GPHN: variants seen among roughly 807,000 people sequenced by gnomAD.
The protein encoded by GPHN is gephyrin.
Under a neutral mutation model 95.5 loss-of-function variants are expected in GPHN, and 17 were observed. The ratio of observed to expected loss-of-function variants is 0.18; its 90% CI spans 0.12 to 0.27. GPHN has a LOEUF of 0.27. GPHN is among the 10% of genes least tolerant of loss of function. The pLI is 1.00. For synonymous variants in GPHN, 320 were observed against 322.5 expected (o/e 0.99, Z 0.08); for missense variants, 660 against 978.1 (o/e 0.67, Z 4.34).
At chr14:66,583,299 A>G (rs922399297) in intron 1 of GPHN, among the ~76,000 whole-genome samples, 6 of 152,112 alleles carry the variant, frequency 3.9e-5, no homozygotes, top group Non-Finnish European at 8.8e-5. Context: ...TTTGTCAGAT[A>G]AGCAGGTTGC....
chr14:67,062,621 A>C (rs2075870686), intron 11 of GPHN, among the ~76,000 whole-genome samples: 1 of 152,120 alleles, frequency 6.6e-6, no homozygotes, highest in African/African-American at 2.4e-5. Flanking sequence ...AGAGTATAGT[A>C]CATGAAACAC....
At chr14:66,694,884 G>A (rs1410453039) in intron 2 of GPHN, among the ~76,000 whole-genome samples, 1 of 152,288 alleles carries the variant, frequency 6.6e-6, no homozygotes, top group African/African-American at 2.4e-5. Context: ...TAGGCCGAGC[G>A]CAGTGGCTCA....
intron 1 of GPHN, among the ~76,000 whole-genome samples, chr14:66,514,504 T>C (rs1400319088): frequency 2.0e-5 from 3 of 152,070 alleles, no homozygotes; most frequent in Non-Finnish European, 4.4e-5. Flanking sequence ...AAGGCTCTCA[T>C]GGCAGTATAT....
intron 8 of GPHN, among the ~76,000 whole-genome samples, chr14:66,954,980 T>A (rs1180964636): frequency 2.0e-5 from 3 of 152,226 alleles, no homozygotes; most frequent in Non-Finnish European, 4.4e-5. Context: ...GGTCTTGATG[T>A]ATAATTGTTT....
the GPHN span, chr14:67,695,755 A>G: frequency 6.4e-7 from 1 of 1,555,280 alleles, no homozygotes; most frequent in Non-Finnish European, 8.8e-7. Context: ...TTGCTCGCCG[A>G]CTATGGCTTC....
At chr14:67,046,287 A>G (rs2075012283) in intron 10 of GPHN, among the ~76,000 whole-genome samples, 1 of 152,126 alleles carries the variant, frequency 6.6e-6, no homozygotes, top group Non-Finnish European at 1.5e-5. Flanking sequence ...GCACTTTCTT[A>G]CTGAAAACAG....
rs1443985752 is a variant in GPHN at position 66,931,457 on chromosome 14, C to G, written c.828+7165C>G. 2.6e-5 allele frequency among the ~76,000 whole-genome samples: 4 copies of G among 152,024 alleles called. No homozygotes were observed. In the East Asian group the frequency reaches 5.8e-4, roughly 22 times the overall value. ...AACCTTTCTACCCTGATCTCAGTCT[C>G]TCTCTCTCTCTCTACCTTTTCTTTA... is the stretch of plus-strand genomic sequence containing the variant. On this transcript the variant is annotated intron_variant, in intron 8 of 22. Coordinates refer to ENST00000478722, the MANE Select transcript of GPHN (RefSeq NM_020806.5).
At position 66,915,838 on chromosome 14, in the gene GPHN, A is replaced by G. The variant is rs2065870053; in HGVS notation, c.390-165A>G. On this transcript the variant is annotated intron_variant, in intron 5 of 22. Transcript: ENST00000478722. ...TAACCATAATGTAAAAACTTCAACC[A>G]GAATGCCTAATTTGTATAGCAAGCA... is the stretch of plus-strand genomic sequence containing the variant. 1.3e-5 allele frequency among the ~76,000 whole-genome samples: 2 copies of G among 152,240 alleles called. 1 individual carries two copies. Among genetic ancestry groups the G allele is most frequent in the South Asian group, 4.1e-4 (2 of 4,836 alleles).
At chr14:67,319,882 A>G in the GPHN span, among the ~76,000 whole-genome samples, 1 of 152,212 alleles carries the variant, frequency 6.6e-6, no homozygotes, top group Non-Finnish European at 1.5e-5. Flanking sequence ...GAATATTAAT[A>G]TCTGCATTCT....
At chr14:67,176,537 CTT>C (rs1336695944) in intron 21 of GPHN, among the ~76,000 whole-genome samples, 1 of 152,024 alleles carries the variant, frequency 6.6e-6, no homozygotes, top group South Asian at 2.1e-4. Flanking sequence ...CTAAAATTCT[CTT>C]TTTTTGTTGT....
intron 19 of GPHN, among the ~76,000 whole-genome samples, chr14:67,160,483 A>G (rs1222024067): frequency 6.6e-6 from 1 of 152,190 alleles, no homozygotes; most frequent in African/African-American, 2.4e-5. Context: ...GGGCTGATGG[A>G]GGTCCTGAAG....
the GPHN span, among the ~76,000 whole-genome samples, chr14:67,636,289 AC>A: frequency 2.6e-5 from 4 of 152,148 alleles, no homozygotes; most frequent in African/African-American, 9.7e-5. Context: ...AAACAAAAAA[AC>A]AAAACCTTAC....
the GPHN span, among the ~76,000 whole-genome samples, chr14:67,730,507 C>T: frequency 3.3e-5 from 5 of 152,286 alleles, no homozygotes; most frequent in Middle Eastern, 3.4e-3. Context: ...CAGAGTATTT[C>T]GGGTTTTAGA....
chr14:67,647,236 TTC>T, the GPHN span: 2 of 455,578 alleles, frequency 4.4e-6, no homozygotes, highest in Non-Finnish European at 7.8e-6. Context: ...TGCCTAGATC[TTC>T]TGTCTCATGA....
At chr14:67,318,427 CTT>C in the GPHN span, among the ~76,000 whole-genome samples, 308 of 152,134 alleles carry the variant, frequency 2.0e-3, no homozygotes, top group African/African-American at 7.0e-3. Flanking sequence ...ATTAATATCT[CTT>C]TTATTTTTTG....
At chr14:66,953,347 A>G (rs1464597463) in intron 8 of GPHN, among the ~76,000 whole-genome samples, 4 of 151,958 alleles carry the variant, frequency 2.6e-5, no homozygotes, top group East Asian at 1.9e-4. Flanking sequence ...CAGTTAATCT[A>G]ATTTTTCTGT....
the GPHN span, among the ~76,000 whole-genome samples, chr14:67,597,910 G>C: frequency 6.6e-6 from 1 of 152,068 alleles, no homozygotes; most frequent in Non-Finnish European, 1.5e-5. Context: ...AATAAACAAG[G>C]GAACAACCTG....
At chr14:66,547,266 TA>T (rs1341536676) in intron 1 of GPHN, among the ~76,000 whole-genome samples, 21 of 152,262 alleles carry the variant, frequency 1.4e-4, no homozygotes, top group African/African-American at 4.8e-4. Context: ...CACCATATGT[TA>T]TTTTCTGATT....
the GPHN span, among the ~76,000 whole-genome samples, chr14:67,408,392 T>C: frequency 2.0e-5 from 3 of 151,936 alleles, no homozygotes; most frequent in Admixed American, 2.0e-4. Flanking sequence ...ATACTTGCTA[T>C]GGGTTGAATT....
Sources: gnomAD v4.1 joint callset for allele counts (sites outside exome capture counted in the v4.1 genomes callset) on GRCh38, gnomAD v4.1.1 for gene constraint, MANE v1.5 for transcripts, NCBI Gene and HGNC (gene_info 2026-07-23, HGNC 2026-07-21) for gene names.